The following CSMD3 variants were observed in gnomAD, a reference collection of about 807,000 sequenced individuals.
CSMD3 encodes CUB and sushi domain-containing protein 3.
Under a neutral mutation model 435.2 loss-of-function variants are expected in CSMD3, and 177 were observed. That is an observed-to-expected ratio of 0.41 (90% CI 0.36 to 0.46). CSMD3 has a LOEUF of 0.46. Among genes scored for constraint, CSMD3 ranks in the 20% least tolerant of loss-of-function variants. The pLI is 0.34. For missense variants in CSMD3, 4,265 were observed against 4,504.6 expected (o/e 0.95, Z 1.52); for synonymous variants, 1,656 against 1,520.5 (o/e 1.09, Z -2.07).
intron 13 of CSMD3, among the ~76,000 whole-genome samples, chr8:112,767,847 G>A (rs901199191): frequency 6.6e-6 from 1 of 151,628 alleles, no homozygotes; most frequent in Admixed American, 6.6e-5. Context: ...CTTTCCCTCT[G>A]CTAGAATGTT....
chr8:112,228,714 A>C (rs1812803324), intron 70 of CSMD3, 42 bp downstream of exon 70: 1 of 1,576,056 alleles, frequency 6.3e-7, no homozygotes, highest in Admixed American at 1.7e-5. Context: ...CATGAAAAAC[A>C]GATTTGGGAA....
chr8:113,058,811 A>AT (rs2088468779), intron 5 of CSMD3, among the ~76,000 whole-genome samples: 1 of 151,742 alleles, frequency 6.6e-6, no homozygotes, highest in Non-Finnish European at 1.5e-5. Context: ...CCAAAATTTT[A>AT]TTTTTTACTC....
At chr8:112,324,663 A>C (rs1356181701) in intron 45 of CSMD3, among the ~76,000 whole-genome samples, 1 of 151,942 alleles carries the variant, frequency 6.6e-6, no homozygotes, top group Non-Finnish European at 1.5e-5. Context: ...AGCAAAAATC[A>C]GGGGCTAAAT....
intron 1 of CSMD3, among the ~76,000 whole-genome samples, chr8:113,385,545 G>A (rs1048608141): frequency 7.2e-5 from 11 of 152,040 alleles, no homozygotes; most frequent in South Asian, 2.1e-4. Context: ...TAAACCTTGC[G>A]CTGATTTCAC....
chr8:112,770,946 T>C (rs1025940169), intron 13 of CSMD3, among the ~76,000 whole-genome samples: 1 of 151,994 alleles, frequency 6.6e-6, no homozygotes, highest in African/African-American at 2.4e-5. Context: ...GTATGTCAAT[T>C]CTAATGTCAA....
At chr8:113,107,558 T>C (rs1017399551) in intron 4 of CSMD3, among the ~76,000 whole-genome samples, 1 of 152,234 alleles carries the variant, frequency 6.6e-6, no homozygotes, top group Non-Finnish European at 1.5e-5. Flanking sequence ...ATACACAGGT[T>C]TCACATCCCA....
At chr8:112,380,489 C>A (rs756329207) in intron 37 of CSMD3, 33 bp from the exon 38 acceptor site, 5 of 1,048,950 alleles carry the variant, frequency 4.8e-6, no homozygotes, top group Non-Finnish European at 7.5e-6. Flanking sequence ...AAGACAATGA[C>A]CACATAATAA....
chr8:112,882,612 G>A (rs2081480623), intron 10 of CSMD3, among the ~76,000 whole-genome samples: 1 of 151,920 alleles, frequency 6.6e-6, no homozygotes, highest in Admixed American at 6.6e-5. Context: ...AGATCCTACT[G>A]TGGCTTGTGT....
chr8:112,863,482 C>A (rs899261815), intron 10 of CSMD3, among the ~76,000 whole-genome samples: 8 of 151,814 alleles, frequency 5.3e-5, no homozygotes, highest in African/African-American at 1.7e-4. Flanking sequence ...TGTATCTGAG[C>A]CTTTTTCTTA....
At chr8:113,373,808 C>A (rs1012759104) in intron 1 of CSMD3, among the ~76,000 whole-genome samples, 4 of 152,066 alleles carry the variant, frequency 2.6e-5, no homozygotes, top group African/African-American at 7.2e-5. Context: ...GACTCACAGA[C>A]TAATTGATAT....
rs777846770 is a variant in CSMD3 at position 112,975,953 on chromosome 8, T to C, written c.1226A>G (p.Asn409Ser). 1.2e-6 allele frequency: 2 copies of C among 1,614,080 alleles called. No homozygotes were observed. Among genetic ancestry groups the C allele is most frequent in the South Asian group, 1.1e-5 (1 of 91,084 alleles). ...AGGAGAGAGCCCGTCCTTGGACGTG[T>C]TGGGGTCCAGACCTGAATTTCTGAG... ...TSLRNSGLDPNTSKDGLSPHP... is the reference protein window; with the variant it reads ...TSLRNSGLDPSTSKDGLSPHP... Residue 409 changes from asparagine (N) to serine (S), a missense_variant, in exon 7 of 71, where the codon AAC becomes AGC. Physicochemically the swap from Asn to Ser is conservative, Grantham distance 46. Coordinates refer to ENST00000297405, the MANE Select transcript of CSMD3 (RefSeq NM_198123.2).
chr8:112,816,089 T>TA (rs1188248664), intron 12 of CSMD3, among the ~76,000 whole-genome samples: 1 of 152,178 alleles, frequency 6.6e-6, no homozygotes, highest in East Asian at 1.9e-4. Flanking sequence ...GCTCATGGCA[T>TA]ATCTACAGCT....
chr8:112,797,279 G>T (rs1400156184), intron 13 of CSMD3, among the ~76,000 whole-genome samples: 2 of 151,850 alleles, frequency 1.3e-5, no homozygotes, highest in East Asian at 1.9e-4. Context: ...GAAGCAATCA[G>T]ATCAACTGAA....
At chr8:112,288,765 G>T (rs1819477209) in intron 57 of CSMD3, among the ~76,000 whole-genome samples, 1 of 151,984 alleles carries the variant, frequency 6.6e-6, no homozygotes, top group Non-Finnish European at 1.5e-5. Context: ...TACTTACTCT[G>T]TGAACAAATT....
chr8:112,636,705 A>C (rs2074670084), intron 22 of CSMD3, 112 bp downstream of exon 22: 1 of 933,708 alleles, frequency 1.1e-6, no homozygotes. Context: ...GAAATAATTA[A>C]TGTGAAATAA....
chr8:112,769,090 A>T (rs2078050928), intron 13 of CSMD3, among the ~76,000 whole-genome samples: 1 of 151,888 alleles, frequency 6.6e-6, no homozygotes, highest in Non-Finnish European at 1.5e-5. Flanking sequence ...TCACATTCTT[A>T]GCTCTTCTGA....
intron 38 of CSMD3, among the ~76,000 whole-genome samples, chr8:112,371,629 C>T (rs143722459): frequency 4.9e-4 from 74 of 152,254 alleles, no homozygotes; most frequent in East Asian, 4.5e-3. Flanking sequence ...GTGGGTCACA[C>T]GTGTAATCCC....
intron 5 of CSMD3, among the ~76,000 whole-genome samples, chr8:113,033,364 C>A (rs561582555): frequency 2.6e-5 from 4 of 151,778 alleles, no homozygotes; most frequent in Admixed American, 2.0e-4. Context: ...GGAGCCCACC[C>A]ATTGCATCAA....
At chr8:112,323,557 CA>C (rs972910098) in intron 45 of CSMD3, among the ~76,000 whole-genome samples, 3 of 152,024 alleles carry the variant, frequency 2.0e-5, no homozygotes, top group African/African-American at 7.2e-5. Flanking sequence ...CAGAGATGAT[CA>C]CACAGGTAAG....
Sources: allele counts gnomAD v4.1 joint callset (sites outside exome capture counted in the v4.1 genomes callset), GRCh38; gene constraint gnomAD v4.1.1; transcripts MANE v1.5; gene names NCBI Gene and HGNC (gene_info 2026-07-23, HGNC 2026-07-21).